The following TAF2 variants were observed in gnomAD, a reference collection of about 807,000 sequenced individuals.
TAF2 encodes the protein TATA-box binding protein associated factor 2.
Under a neutral mutation model 138.5 loss-of-function variants are expected in TAF2, and 61 were observed. That is an observed-to-expected ratio of 0.44 (90% confidence interval 0.36 to 0.54). The LOEUF (loss-of-function observed/expected upper bound fraction) is 0.54, where lower values mean the gene tolerates loss of function less well. TAF2 is among the 20% of genes least tolerant of loss of function. TAF2 has a pLI of 0.00. For synonymous variants in TAF2, 475 were observed against 469.9 expected, an observed-to-expected ratio of 1.01 and a Z score of -0.14; for missense variants, 1,090 against 1,427.9, an observed-to-expected ratio of 0.76 and a Z score of 3.81.
At chr8:119,783,808 T>C (rs1436134797) in intron 15 of TAF2, among the ~76,000 whole-genome samples, 175 bp from the exon 16 acceptor site, 1 of 152,230 alleles carries the variant, frequency 6.6e-6, no homozygotes, top group African/African-American at 2.4e-5. Context: ...TTTCTCATTA[T>C]GTTTAACATA....
Position 119,802,112 on chromosome 8 carries a change from A to G in TAF2, c.561-87T>C, listed in dbSNP as rs1824308068. 3.4e-6 allele frequency: 4 copies of G among 1,175,742 alleles called. No individual in the cohort carries two copies. In the East Asian group the frequency reaches 1.0e-4, roughly 30 times the overall value. The allele number at this position is 1,175,742 out of a possible 1,614,324, so 72.8% of individuals were successfully genotyped here. ...ACATGCAAGTTATTTTAGCATTTCT[A>G]GAAAATGAACAAACAAAACCTTTAG... On this transcript the variant is annotated intron_variant, in intron 5 of 25. Transcript: ENST00000378164.
At position 119,808,516 on chromosome 8, in the gene TAF2, T is replaced by C. The variant is rs886451287; in HGVS notation, c.300-2115A>G. Among the ~76,000 whole-genome samples, 3 of 152,196 alleles carry C rather than the reference T, an allele frequency of 2.0e-5. No homozygotes were observed. The South Asian group carries it at 6.2e-4, about 32-fold the overall frequency. ...ATGTTTTGACCTCCTCCCTAAATCA[T>C]GAATGTCCTTAATGGCATCCAGAAT... On this transcript the variant is annotated intron_variant, in intron 3 of 25. Transcript: ENST00000378164.
chr8:119,818,685 A>C lies in TAF2; in HGVS notation c.299+661T>G, dbSNP rs1461894184. On this transcript the variant is annotated intron_variant, in intron 3 of 25. Transcript: ENST00000378164. ...TAATTATACAAACTATACTACACTG[A>C]GCAAATGGAGTATTATTTAACCACA... Among the ~76,000 whole-genome samples the C allele has an allele frequency of 2.0e-5, 3 of 151,950 alleles. No individual in the cohort carries two copies. In the East Asian group the frequency reaches 5.8e-4, roughly 29 times the overall value.
intron 25 of TAF2, among the ~76,000 whole-genome samples, chr8:119,740,457 G>A (rs1424224490): frequency 1.4e-5 from 2 of 142,704 alleles, no homozygotes; most frequent in African/African-American, 5.2e-5. Flanking sequence ...AGTTTGAGAT[G>A]AGCCTGGCCA....
chr8:119,804,558 C>T (rs760834567), intron 4 of TAF2, among the ~76,000 whole-genome samples: 3 of 152,066 alleles, frequency 2.0e-5, no homozygotes, highest in Non-Finnish European at 4.4e-5. Flanking sequence ...TGGGAGTTGC[C>T]CTGCACAAGC....
intron 6 of TAF2, among the ~76,000 whole-genome samples, chr8:119,798,798 T>C (rs1395432861): frequency 1.3e-5 from 2 of 152,152 alleles, no homozygotes; most frequent in Non-Finnish European, 2.9e-5. Context: ...AAGAACAGAT[T>C]AGAGGCTACC....
Position 119,815,010 on chromosome 8 carries a change from G to A in TAF2, c.299+4336C>T, listed in dbSNP as rs550518687. Among the ~76,000 whole-genome samples the A allele has an allele frequency of 2.6e-5, 4 of 152,000 alleles. No homozygotes were observed. The East Asian group carries it at 7.9e-4, about 30-fold the overall frequency. On this transcript the variant is annotated intron_variant, in intron 3 of 25. Coordinates refer to ENST00000378164, the MANE Select transcript of TAF2 (RefSeq NM_003184.4). The stretch of plus-strand genomic sequence containing the variant: ...TAATCCCAGAACTTTGGGAGGCCGA[G>A]GCAGGCATGATCTCGAACTCATGAT...
Position 119,797,003 on chromosome 8 carries a change from A to C in TAF2, c.1078T>G (p.Ser360Ala). ...CAGGTCACTCACCAAGACATTCTAG[A>C]TATGAAACAACCAAAAAACTGCTGG... ...LAQQFFGCFI[S>A]RMSWSDEWVL... is the part of the protein sequence containing the mutation. The change falls in exon 8 of 26, where the codon TCT becomes GCT. Residue 360 changes from serine to alanine, a missense_variant. Physicochemically the swap from Ser to Ala is moderately conservative, Grantham distance 99. Coordinates refer to ENST00000378164, the MANE Select transcript of TAF2 (RefSeq NM_003184.4). 2 of 1,612,028 alleles carry C rather than the reference A, an allele frequency of 1.2e-6. No homozygotes were observed. Among genetic ancestry groups the C allele is most frequent in the Non-Finnish European group, 1.7e-6 (2 of 1,178,310 alleles).
At chr8:119,803,536 T>C (rs139660060) in intron 5 of TAF2, among the ~76,000 whole-genome samples, 1 of 151,960 alleles carries the variant, frequency 6.6e-6, no homozygotes, top group East Asian at 1.9e-4. Context: ...ACTAAAAATA[T>C]AAAAAATTAG....
chr8:119,738,061 T>A (rs906031807), intron 25 of TAF2, among the ~76,000 whole-genome samples: 1 of 151,768 alleles, frequency 6.6e-6, no homozygotes, highest in Non-Finnish European at 1.5e-5. Context: ...GCATACTATA[T>A]ACTATAATTG....
chr8:119,755,236 G>A (rs756927120), intron 22 of TAF2, among the ~76,000 whole-genome samples: 1 of 152,256 alleles, frequency 6.6e-6, no homozygotes, highest in African/African-American at 2.4e-5. Context: ...GCTGGGTACA[G>A]TGTTTCACAC....
intron 18 of TAF2, among the ~76,000 whole-genome samples, chr8:119,775,820 A>G (rs1822190259): frequency 6.6e-6 from 1 of 152,232 alleles, no homozygotes; most frequent in Non-Finnish European, 1.5e-5. Context: ...ATAGCCAGTT[A>G]TACCATCCAT....
chr8:119,825,382 G>A (rs1044067605), intron 2 of TAF2, among the ~76,000 whole-genome samples: 15 of 152,226 alleles, frequency 9.9e-5, no homozygotes, highest in Non-Finnish European at 2.1e-4. Flanking sequence ...CAGGCTCATA[G>A]GCGGAAGGGA....
chr8:119,765,670 A>T (rs1433916449), intron 18 of TAF2, among the ~76,000 whole-genome samples: 2 of 152,140 alleles, frequency 1.3e-5, no homozygotes, highest in Non-Finnish European at 2.9e-5. Flanking sequence ...TTTAAGGAGG[A>T]AAGAAATTCA....
chr8:119,795,694 G>A, intron 8 of TAF2, 63 bp from the exon 9 acceptor site: 1 of 1,379,388 alleles, frequency 7.2e-7, no homozygotes, highest in Non-Finnish European at 1.0e-6. Context: ...TAATGTCAAA[G>A]AGGATAACGG....
At chr8:119,739,114 C>T (rs1256606582) in intron 25 of TAF2, among the ~76,000 whole-genome samples, 3 of 151,384 alleles carry the variant, frequency 2.0e-5, no homozygotes, top group African/African-American at 7.3e-5. Context: ...TAGGCAGCTG[C>T]AGAAACTCTC....
At chr8:119,782,536 C>T (rs1265921155) in intron 16 of TAF2, among the ~76,000 whole-genome samples, 2 of 152,104 alleles carry the variant, frequency 1.3e-5, no homozygotes, top group South Asian at 2.1e-4. Context: ...CCATTATTAA[C>T]TTGTTGAAAT....
chr8:119,739,493 G>A (rs192396678), intron 25 of TAF2, among the ~76,000 whole-genome samples: 177 of 152,070 alleles, frequency 1.2e-3, no homozygotes, highest in African/African-American at 3.7e-3. Context: ...TGCAAGGAAA[G>A]GGAAAACTGG....
chr8:119,771,488 G>A (rs982495602), intron 18 of TAF2, among the ~76,000 whole-genome samples: 1 of 151,876 alleles, frequency 6.6e-6, no homozygotes, highest in Non-Finnish European at 1.5e-5. Context: ...TGCCCTCCTC[G>A]ACCTCCGAAA....
Sources: gnomAD v4.1 joint callset for allele counts (sites outside exome capture counted in the v4.1 genomes callset) on GRCh38, gnomAD v4.1.1 for gene constraint, MANE v1.5 for transcripts, NCBI Gene and HGNC (gene_info 2026-07-23, HGNC 2026-07-21) for gene names.